Variants in CUX1 observed in about 807,000 individuals in gnomAD.
The protein encoded by CUX1 is protein CASP.
CUX1 carries 31 observed loss-of-function variants against 158.8 expected under a neutral mutation model. That is an observed-to-expected ratio of 0.20 (90% CI 0.15 to 0.26). CUX1 has a LOEUF of 0.26. Among genes scored for constraint, CUX1 ranks in the 10% least tolerant of loss-of-function variants. The pLI is 1.00. For synonymous variants in CUX1, 879 were observed against 862.1 expected (o/e 1.02, Z -0.34); for missense variants, 1,589 against 2,014.6 (o/e 0.79, Z 4.04).
At chr7:102,197,530 T>C (rs1439472699) in intron 15 of CUX1, among the ~76,000 whole-genome samples, 8 of 152,200 alleles carry the variant, frequency 5.3e-5, no homozygotes, top group Non-Finnish European at 1.2e-4. Flanking sequence ...CAGCACTCCA[T>C]ACTTAGGAAA....
chr7:102,269,633 A>G (rs1461560513), intron 14 of CUX1, among the ~76,000 whole-genome samples: 1 of 132,724 alleles, frequency 7.5e-6, no homozygotes, highest in Non-Finnish European at 1.5e-5. Context: ...CATGTTGGCC[A>G]GGCTGGTCTC....
chr7:102,171,036 AGAGTGGGTATCACACCACTTTTTT>A (rs1306868045), intron 10 of CUX1, among the ~76,000 whole-genome samples: 1 of 152,222 alleles, frequency 6.6e-6, no homozygotes, highest in African/African-American at 2.4e-5. Flanking sequence ...TAGAGCAGGA[AGAGTGGGTATCACACCACTTTTTT>A]GCAGCTTGCT....
intron 5 of CUX1, among the ~76,000 whole-genome samples, chr7:102,100,102 A>G (rs181016389): frequency 3.3e-4 from 50 of 152,260 alleles, no homozygotes; most frequent in African/African-American, 1.2e-3. Flanking sequence ...CAACATGACG[A>G]AACCCCATCT....
chr7:101,916,088 A>T lies in CUX1; in HGVS notation c.31-27A>T. The T allele has an allele frequency of 6.6e-7, 1 of 1,517,970 alleles. No individual in the cohort carries two copies. Among genetic ancestry groups the T allele is most frequent in the Non-Finnish European group, 9.1e-7 (1 of 1,093,158 alleles). The allele number at this position is 1,517,970 out of a possible 1,614,324, so 94.0% of individuals were successfully genotyped here. ...TAGTACACAGTGCAATTACAATCTC[A>T]CTTTTCCTTTCCTGTTTCCCCAACA... On this transcript the variant is annotated intron_variant, in intron 1 of 23. Transcript: ENST00000292535. This position sits in a 1 kb window ranked among gnomAD's most constrained non-coding sequence, Gnocchi z 4.4.
intron 2 of CUX1, among the ~76,000 whole-genome samples, chr7:102,019,646 C>A (rs1819109921): frequency 6.6e-6 from 1 of 152,188 alleles, no homozygotes; most frequent in South Asian, 2.1e-4. Context: ...CCTGCACCCT[C>A]ATCTCAGTTC....
chr7:102,242,295 T>TCTGCCTCCTAGGTTCAAGCTTCTC (rs1554535261), intron 23 of CUX1, among the ~76,000 whole-genome samples: 2 of 138,396 alleles, frequency 1.4e-5, no homozygotes, highest in African/African-American at 2.7e-5. Context: ...CACTGCAACC[T>TCTGCCTCCTAGGTTCAAGCTTCTC]CTGCCTCCTA....
Position 102,266,934 on chromosome 7 carries a change from G to A in CUX1, c.1256-6432G>A, listed in dbSNP as rs567569777. On this transcript the variant is annotated intron_variant, in intron 14 of 22. Coordinates refer to the CUX1 transcript ENST00000292538. ...AGAGTGGGGTCAAGGGAAGGGGCGT[G>A]TGTGCATGTGTACATGCCTGCTAGG... is the stretch of plus-strand genomic sequence containing the variant. Among the ~76,000 whole-genome samples the A allele has an allele frequency of 1.5e-4, 23 of 152,302 alleles. 1 individual carries two copies. The South Asian group carries it at 4.6e-3, about 30-fold the overall frequency.
intron 1 of CUX1, chr7:101,819,002 T>C (rs1354594879): frequency 1.3e-5 from 2 of 152,266 alleles, no homozygotes; most frequent in Non-Finnish European, 2.9e-5. Flanking sequence ...CGTTCCGCAG[T>C]TCTGCAACCC....
chr7:101,985,285 C>G (rs1042877200), intron 2 of CUX1, among the ~76,000 whole-genome samples: 2 of 151,962 alleles, frequency 1.3e-5, no homozygotes, highest in African/African-American at 4.8e-5. Flanking sequence ...GGGGGTCGTG[C>G]GGGGAGATCA....
intron 2 of CUX1, among the ~76,000 whole-genome samples, chr7:101,954,655 G>T (rs1054441354): frequency 6.6e-6 from 1 of 151,698 alleles, no homozygotes; most frequent in African/African-American, 2.4e-5. Flanking sequence ...CAGTGTGCTG[G>T]CATTTGCAGT....
intron 22 of CUX1, among the ~76,000 whole-genome samples, chr7:102,234,899 G>A (rs1024678468): frequency 2.0e-5 from 3 of 152,026 alleles, no homozygotes; most frequent in African/African-American, 4.8e-5. Flanking sequence ...CTCCAGCCTG[G>A]GTGACAGACC....
upstream of CUX1, among the ~76,000 whole-genome samples, chr7:101,816,405 GCGCCGCCGC>G (rs970722250): frequency 7.0e-6 from 1 of 141,992 alleles, no homozygotes; most frequent in Non-Finnish European, 1.6e-5. Flanking sequence ...CCCGGGCCCC[GCGCCGCCGC>G]CGCCGCCAGC....
At chr7:101,945,636 C>A (rs1464352254) in intron 2 of CUX1, among the ~76,000 whole-genome samples, 1 of 152,156 alleles carries the variant, frequency 6.6e-6, no homozygotes, top group Admixed American at 6.5e-5. Flanking sequence ...AGGTCCTGGT[C>A]AGGGCTGTGG....
At chr7:102,176,885 T>C (rs150723731) in intron 10 of CUX1, among the ~76,000 whole-genome samples, 2 of 151,728 alleles carry the variant, frequency 1.3e-5, no homozygotes, top group Admixed American at 6.6e-5. Flanking sequence ...GTGATTACTT[T>C]TAAAGGTTGA....
At chr7:102,202,255 G>T in intron 18 of CUX1, 51 bp downstream of exon 18, 1 of 1,544,260 alleles carries the variant, frequency 6.5e-7, no homozygotes, top group South Asian at 1.3e-5. Flanking sequence ...TCTCCTTGCT[G>T]AGGACCAAGT....
intron 10 of CUX1, among the ~76,000 whole-genome samples, chr7:102,171,318 G>A (rs1408083849): frequency 2.0e-5 from 3 of 152,144 alleles, no homozygotes; most frequent in Admixed American, 6.5e-5. Context: ...TGGGGGGTTG[G>A]TGCGAAAGTT....
At chr7:102,223,999 A>C (rs1390492278) in intron 20 of CUX1, among the ~76,000 whole-genome samples, 5 of 152,152 alleles carry the variant, frequency 3.3e-5, no homozygotes, top group Non-Finnish European at 7.4e-5. Context: ...CTTTCTCCCC[A>C]ACATGATGTT....
At chr7:102,262,831 T>C (rs1445567965), downstream of CUX1, among the ~76,000 whole-genome samples, 1 of 152,078 alleles carries the variant, frequency 6.6e-6, no homozygotes, top group East Asian at 1.9e-4. Flanking sequence ...AGCTAATACA[T>C]ACCGAAGGCT....
At chr7:102,034,751 CAAAAAAA>C (rs33994794) in intron 3 of CUX1, among the ~76,000 whole-genome samples, 1 of 117,952 alleles carries the variant, frequency 8.5e-6, no homozygotes, top group Admixed American at 9.2e-5. Context: ...GACTCCGTCT[CAAAAAAA>C]AAAAAAAAAA....
Sources: gnomAD v4.1 joint callset for allele counts (sites outside exome capture counted in the v4.1 genomes callset) on GRCh38, gnomAD v4.1.1 for gene constraint, Gnocchi (gnomAD v3.1) non-coding constraint, MANE v1.5 for transcripts, NCBI Gene and HGNC (gene_info 2026-07-23, HGNC 2026-07-21) for gene names.